MMEL1: variants seen among roughly 807,000 people sequenced by gnomAD.
MMEL1 encodes the protein membrane metallo-endopeptidase-like 1.
Under a neutral mutation model 117.1 loss-of-function variants are expected in MMEL1, and 98 were observed. That is an observed-to-expected ratio of 0.84 (90% CI 0.71 to 0.99). MMEL1 has a LOEUF of 0.99. MMEL1 is among the 50% of genes least tolerant of loss of function. The probability of loss-of-function intolerance (pLI) is 0.00; values close to 1 mark genes in which losing one functional copy is unlikely to be tolerated. For synonymous variants in MMEL1, 390 were observed against 415.1 expected, an observed-to-expected ratio of 0.94 and a Z score of 0.74; for missense variants, 1,014 against 1,049.1, an observed-to-expected ratio of 0.97 and a Z score of 0.46.
chr1:2,631,934 G>A (rs1239557936), intron 1 of MMEL1, among the ~76,000 whole-genome samples: 1 of 152,190 alleles, frequency 6.6e-6, no homozygotes. Flanking sequence ...CCAGGGGCCT[G>A]TAACTAGAAT....
chr1:2,598,592 G>C, intron 12 of MMEL1, 62 bp downstream of exon 12: 3 of 1,603,862 alleles, frequency 1.9e-6, no homozygotes, highest in South Asian at 2.2e-5. Flanking sequence ...AGCTGTGTTG[G>C]GGAGGATGGG....
rs1049333713 is a variant in MMEL1, at chr1:2,629,337, G to C, written c.148C>G (p.Arg50Gly). The C allele has an allele frequency of 2.0e-6, 3 of 1,537,478 alleles. No individual in the cohort carries two copies. Among genetic ancestry groups the C allele is most frequent in the Admixed American group, 3.9e-5 (2 of 50,746 alleles). ...GCGGGGCACCCGCACTCACCTCTGC[G>C]GTCGGCGTAGAGGACACCCAAGGCC... is the stretch of plus-strand genomic sequence containing the variant. ...LVALGVLYAD[R>G]RGKQLPRLAS... is the part of the protein sequence containing the mutation. The change falls in exon 2 of 24, where the codon CGC becomes GGC. Residue 50 changes from arginine to glycine, a missense_variant. Coordinates refer to ENST00000378412, the MANE Select transcript of MMEL1 (RefSeq NM_033467.4).
At position 2,603,956 on chromosome 1, in the gene MMEL1, C is replaced by G; in HGVS notation, c.969G>C (p.Glu323Asp). 1 of 1,613,888 alleles carries G rather than the reference C, an allele frequency of 6.2e-7. No homozygotes were observed. The highest frequency in any genetic ancestry group is 1.1e-5 in the South Asian group (1 of 91,088). Residue 323 changes from glutamate (E) to aspartate (D), a missense_variant, in exon 11 of 24, where the codon GAG (glutamate) becomes GAC (aspartate). Physicochemically the swap from Glu to Asp is conservative, Grantham distance 45. Coordinates refer to ENST00000378412, the MANE Select transcript of MMEL1 (RefSeq NM_033467.4). ...TQLAKATVPQ[E>D]ERHDVIALYH... ...ACAAGGCGATGACGTCGTGTCTCTC[C>G]TCCTGGGGTACCGTGGCCTGTGCCG...
At chr1:2,593,768 C>G in intron 19 of MMEL1, 46 bp downstream of exon 19, 2 of 1,530,128 alleles carry the variant, frequency 1.3e-6, no homozygotes, top group Non-Finnish European at 8.8e-7. Flanking sequence ...GGCTGCTTCT[C>G]CGCGGAGAGG....
At chr1:2,609,971 C>A in intron 4 of MMEL1, 140 bp from the exon 5 acceptor site, 1 of 914,298 alleles carries the variant, frequency 1.1e-6, no homozygotes, top group Non-Finnish European at 1.6e-6. Flanking sequence ...GCTGTGTGCC[C>A]AGGGAGAGTT....
At chr1:2,606,006 C>G (rs1199740661) in intron 8 of MMEL1, among the ~76,000 whole-genome samples, 1 of 152,204 alleles carries the variant, frequency 6.6e-6, no homozygotes, top group Non-Finnish European at 1.5e-5. Context: ...GTTCAGGAGC[C>G]CCCGCCCCTC....
intron 2 of MMEL1, among the ~76,000 whole-genome samples, chr1:2,617,579 G>A (rs558266238): frequency 5.3e-5 from 8 of 152,212 alleles, no homozygotes; most frequent in South Asian, 4.2e-4. Context: ...CAGCCTGGGC[G>A]ACAGAGCGAG....
intron 6 of MMEL1, among the ~76,000 whole-genome samples, chr1:2,608,462 A>T (rs4073286): frequency 1.1e-4 from 16 of 151,992 alleles, no homozygotes; most frequent in African/African-American, 2.9e-4. Context: ...TGCACACACA[A>T]GCACATATGA....
At position 2,612,424 on chromosome 1, in the gene MMEL1, C is replaced by T. The variant is rs534602448; in HGVS notation, c.155-220G>A. Among the ~76,000 whole-genome samples the T allele has an allele frequency of 5.3e-5, 8 of 152,178 alleles. No individual in the cohort carries two copies. In the South Asian group the frequency reaches 1.2e-3, roughly 24 times the overall value. ...TGTCCTGCTGGGCTTGAATGGGGGG[C>T]GGTTTGCCCTGCCTTGCCAGCCCCA... On this transcript the variant is annotated intron_variant, in intron 2 of 23. Coordinates refer to ENST00000378412, the MANE Select transcript of MMEL1 (RefSeq NM_033467.4). The surrounding 1 kb of genome is among the most constrained non-coding windows in gnomAD (Gnocchi z 5.4).
Position 2,601,883 on chromosome 1 carries a change from G to A in MMEL1, c.1041+2001C>T, listed in dbSNP as rs562090636. ...CACAGGTGCAGAAACGGCTGAGAAC[G>A]GACACCACCCAGCACGGGCGAGGGT... On this transcript the variant is annotated intron_variant, in intron 11 of 23. Coordinates refer to ENST00000378412, the MANE Select transcript of MMEL1 (RefSeq NM_033467.4). 2.3e-4 allele frequency among the ~76,000 whole-genome samples: 35 copies of A among 152,338 alleles called. 1 individual carries two copies. In the South Asian group the frequency reaches 7.0e-3, roughly 31 times the overall value.
chr1:2,608,593 C>T (rs2100945966), intron 6 of MMEL1, among the ~76,000 whole-genome samples: 1 of 151,922 alleles, frequency 6.6e-6, no homozygotes, highest in East Asian at 1.9e-4. Context: ...CATATATATA[C>T]AGTACACACA....
At position 2,596,814 on chromosome 1, in the gene MMEL1, C is replaced by A. The variant is rs961950413; in HGVS notation, c.1273-125G>T. 9 of 1,076,196 alleles carry A rather than the reference C, an allele frequency of 8.4e-6. No homozygotes were observed. In the African/African-American group the frequency reaches 1.4e-4, roughly 17 times the overall value. The allele number at this position is 1,076,196 out of a possible 1,614,324, so 66.7% of individuals were successfully genotyped here. ...CAGCCTCAGGGTGCCCCGGGGCTAG[C>A]GGGGGCACGGGATGATCTCAGCCTC... On this transcript the variant is annotated intron_variant, in intron 13 of 23. Transcript: ENST00000378412.
rs147248515 is a variant in MMEL1, at chr1:2,598,730, G to T, written c.1102C>A (p.Pro368Thr). The T allele has an allele frequency of 3.9e-4, 630 of 1,614,120 alleles. 2 individuals are homozygous for T. The highest frequency in any genetic ancestry group is 9.3e-4 in the Admixed American group (56 of 60,016). ...VLSSVKIKLL[P>T]DEEVVVYGIP... ...CCATAGACCACCACTTCCTCATCTG[G>T]CAGCAGCTTGATTTTGACAGAGGAT... The change falls in exon 12 of 24, where the codon CCA (proline) becomes ACA (threonine). Residue 368 changes from proline (P) to threonine (T), a missense_variant. Coordinates refer to ENST00000378412, the MANE Select transcript of MMEL1 (RefSeq NM_033467.4).
At chr1:2,611,198 G>T in intron 4 of MMEL1, 83 bp downstream of exon 4, 2 of 1,384,222 alleles carry the variant, frequency 1.4e-6, no homozygotes, top group African/African-American at 1.5e-5. Context: ...GCTTCCCTGG[G>T]CCTTGGGCGG....
intron 17 of MMEL1, among the ~76,000 whole-genome samples, 166 bp from the exon 18 acceptor site, chr1:2,594,609 G>T (rs1644801499): frequency 6.6e-6 from 1 of 152,212 alleles, no homozygotes; most frequent in African/African-American, 2.4e-5. Context: ...GAGGCGACTT[G>T]GGCCCCAGAA....
intron 9 of MMEL1, among the ~76,000 whole-genome samples, chr1:2,604,931 C>T (rs959624577): frequency 6.6e-6 from 1 of 152,218 alleles, no homozygotes; most frequent in Non-Finnish European, 1.5e-5. Context: ...ACGGCCCTTC[C>T]TCTGGGCTTG....
chr1:2,596,045 C>G lies in MMEL1; in HGVS notation c.1464G>C (p.Trp488Cys). 1.2e-6 allele frequency: 2 copies of G among 1,614,044 alleles called. No homozygotes were observed. The highest frequency in any genetic ancestry group is 3.3e-5 in the Admixed American group (2 of 60,016). Residue 488 changes from tryptophan (W) to cysteine (C), a missense_variant, in exon 15 of 24, where the codon TGG becomes TGC. Transcript: ENST00000378412. ...VFVETLDELG[W>C]MDEESKKKAQ... ...CCTTCTTCTTGGACTCCTCGTCCAT[C>G]CAGCCCAGCTCGTCCAGCGTCTCCA...
chr1:2,632,893 CCA>C lies in MMEL1; in HGVS notation c.-67_-66del, dbSNP rs1638656935. ...TTGCTCACTCAGGAGTGGCTGCCGC[CCA>C]CAGTCAGGCCCCTGGAGACTGGGTC... is the stretch of plus-strand genomic sequence containing the variant. On this transcript the variant is annotated 5_prime_UTR_variant, in exon 1 of 24. Coordinates refer to ENST00000378412, the MANE Select transcript of MMEL1 (RefSeq NM_033467.4). The C allele has an allele frequency of 1.0e-6, 1 of 985,486 alleles. No homozygotes were observed. The highest frequency in any genetic ancestry group is 1.7e-5 in the African/African-American group (1 of 57,232). 61.0% of individuals were successfully genotyped at this position (985,486 alleles called of 1,614,324 possible). A position where few individuals can be genotyped will look rare whatever the true frequency, so the allele number is the denominator to read the frequency against.
In MMEL1 at chr1:2,604,257, T is replaced by C. The variant is rs1644984701; in HGVS notation, c.841A>G (p.Met281Val). The change falls in exon 10 of 24, where the codon ATG (methionine) becomes GTG (valine). Residue 281 changes from methionine to valine, a missense_variant. Physicochemically the swap from Met to Val is conservative, Grantham distance 21. Coordinates refer to ENST00000378412, the MANE Select transcript of MMEL1 (RefSeq NM_033467.4). ...RKVREAYLQF[M>V]VSVATLLRED... ...CGCAGCAACGTGGCCACTGACACCA[T>C]GAACTGCAGGTAGGCTTCCCGCACC... The C allele has an allele frequency of 6.2e-6, 10 of 1,612,760 alleles. No homozygotes were observed. The highest frequency in any genetic ancestry group is 8.5e-6 in the Non-Finnish European group (10 of 1,179,926).
Sources: allele counts gnomAD v4.1 joint callset (sites outside exome capture counted in the v4.1 genomes callset), GRCh38; gene constraint gnomAD v4.1.1; non-coding constraint Gnocchi (gnomAD v3.1); transcripts MANE v1.5; gene names NCBI Gene and HGNC (gene_info 2026-07-23, HGNC 2026-07-21).